Variants in MET observed in about 807,000 individuals in gnomAD.
The protein encoded by MET is MET proto-oncogene, receptor tyrosine kinase.
MET carries 48 observed loss-of-function variants against 133.1 expected under a neutral mutation model. The observed-to-expected ratio is 0.36, with a 90% CI of 0.29 to 0.46. The LOEUF (loss-of-function observed/expected upper bound fraction) is 0.46, where lower values mean the gene tolerates loss of function less well. Among genes scored for constraint, MET ranks in the 20% least tolerant of loss-of-function variants. MET has a pLI of 1.00. For synonymous variants in MET, 628 were observed against 616.5 expected, an observed-to-expected ratio of 1.02 and a Z score of -0.28; for missense variants, 1,442 against 1,695.9, an observed-to-expected ratio of 0.85 and a Z score of 2.63.
chr7:116,737,966 A>T (rs1359669586), intron 3 of MET, among the ~76,000 whole-genome samples: 1 of 152,174 alleles, frequency 6.6e-6, no homozygotes, highest in Non-Finnish European at 1.5e-5. Context: ...GGTGATTGTT[A>T]TGTAGCCGGT....
intron 3 of MET, among the ~76,000 whole-genome samples, chr7:116,739,090 G>A (rs768262313): frequency 6.6e-6 from 1 of 152,138 alleles, no homozygotes; most frequent in Non-Finnish European, 1.5e-5. Flanking sequence ...AAGAGTGAAA[G>A]TTTCTCTGAG....
At chr7:116,734,276 G>T (rs1185697520) in intron 3 of MET, among the ~76,000 whole-genome samples, 2 of 152,186 alleles carry the variant, frequency 1.3e-5, no homozygotes, top group East Asian at 3.8e-4. Context: ...ACAGAAAGAT[G>T]ATTTTACTTC....
intron 2 of MET, among the ~76,000 whole-genome samples, chr7:116,704,361 A>G (rs891250779): frequency 6.6e-6 from 1 of 152,102 alleles, no homozygotes; most frequent in Non-Finnish European, 1.5e-5. Context: ...AGCATTATTT[A>G]AACTCTGAAC....
In MET at chr7:116,699,545, T is replaced by C. The variant is rs2116589410; in HGVS notation, c.461T>C (p.Ile154Thr). ...TTTCCCCACAATCATACTGCTGACA[T>C]ACAGTCGGAGGTTCACTGCATATTC... ...HVFPHNHTAD[I>T]QSEVHCIFSP... The change falls in exon 2 of 21, where the codon ATA becomes ACA. Residue 154 changes from isoleucine (I) to threonine (T), a missense_variant. By Grantham distance (89) the Ile-to-Thr change is moderately conservative (BLOSUM62 -1). Coordinates refer to ENST00000397752, the MANE Select transcript of MET (RefSeq NM_000245.4). 1 of 1,614,004 alleles carries C rather than the reference T, an allele frequency of 6.2e-7. No homozygotes were observed. Among genetic ancestry groups the C allele is most frequent in the Non-Finnish European group, 8.5e-7 (1 of 1,179,938 alleles).
At chr7:116,754,827 GAAAA>G (rs1307690544) in intron 5 of MET, among the ~76,000 whole-genome samples, 2 of 132,040 alleles carry the variant, frequency 1.5e-5, no homozygotes, top group African/African-American at 2.8e-5. Context: ...AAAAAGAAAA[GAAAA>G]GAAAGAAGGA....
At chr7:116,711,723 A>G (rs887272521) in intron 2 of MET, among the ~76,000 whole-genome samples, 2 of 152,060 alleles carry the variant, frequency 1.3e-5, no homozygotes, top group Admixed American at 6.5e-5. Context: ...ATTTGTCTCC[A>G]AAGTGCTGTT....
chr7:116,749,363 G>A (rs1193477750), intron 5 of MET, among the ~76,000 whole-genome samples: 1 of 152,110 alleles, frequency 6.6e-6, no homozygotes, highest in Non-Finnish European at 1.5e-5. Flanking sequence ...AAAACCACAC[G>A]ATTATTGCAA....
chr7:116,776,486 A>T (rs1053339183), intron 15 of MET, among the ~76,000 whole-genome samples: 4 of 152,192 alleles, frequency 2.6e-5, no homozygotes, highest in African/African-American at 9.7e-5. Context: ...TAAAATGGCA[A>T]TTATTTCTCT....
intron 2 of MET, among the ~76,000 whole-genome samples, chr7:116,723,817 A>T (rs1448051974): frequency 6.6e-6 from 1 of 152,210 alleles, no homozygotes; most frequent in Non-Finnish European, 1.5e-5. Flanking sequence ...TCAGGGACCC[A>T]CTTGAGGAGG....
chr7:116,744,981 G>A (rs563312716), intron 5 of MET, among the ~76,000 whole-genome samples: 1 of 152,302 alleles, frequency 6.6e-6, no homozygotes, highest in South Asian at 2.1e-4. Flanking sequence ...AAAAGAGGAA[G>A]TCAAATTGTC....
intron 5 of MET, among the ~76,000 whole-genome samples, chr7:116,743,123 G>A (rs538478134): frequency 6.6e-6 from 1 of 152,346 alleles, no homozygotes; most frequent in South Asian, 2.1e-4. Flanking sequence ...CACCTGGGAA[G>A]GGCAAGGGAT....
intron 9 of MET, among the ~76,000 whole-genome samples, chr7:116,758,957 T>A (rs1218565132): frequency 6.6e-6 from 1 of 152,214 alleles, no homozygotes; most frequent in Non-Finnish European, 1.5e-5. Flanking sequence ...TGGAATTACC[T>A]TTTTTCTTCC....
chr7:116,717,842 T>C (rs1456075748), intron 2 of MET, among the ~76,000 whole-genome samples: 1 of 152,168 alleles, frequency 6.6e-6, no homozygotes, highest in Non-Finnish European at 1.5e-5. Flanking sequence ...ATAATGTTAA[T>C]TAGGGGAAAC....
intron 3 of MET, among the ~76,000 whole-genome samples, chr7:116,736,915 A>C (rs1206177202): frequency 6.6e-6 from 1 of 152,250 alleles, no homozygotes; most frequent in African/African-American, 2.4e-5. Context: ...TATCTCCATG[A>C]CAACCAAAAG....
chr7:116,707,498 GTCA>G (rs1035473466), intron 2 of MET, among the ~76,000 whole-genome samples: 1 of 152,078 alleles, frequency 6.6e-6, no homozygotes, highest in Non-Finnish European at 1.5e-5. Flanking sequence ...AGTTTGCTGA[GTCA>G]TCATCTCAAA....
In MET at chr7:116,672,308, C is replaced by A; in HGVS notation, c.-284C>A. 1 of 235,442 alleles carries A rather than the reference C, an allele frequency of 4.2e-6. No homozygotes were observed. Among genetic ancestry groups the A allele is most frequent in the South Asian group, 1.7e-4 (1 of 5,746 alleles). 14.6% of individuals were successfully genotyped at this position (235,442 alleles called of 1,614,324 possible). On this transcript the variant is annotated 5_prime_UTR_variant, in exon 1 of 21. Coordinates refer to ENST00000397752, the MANE Select transcript of MET (RefSeq NM_000245.4). ...CGCGCGCGCCGATGCCCGGCTGAGT[C>A]ACTGGCAGGGCAGCGCGCGTGTGGG...
intron 5 of MET, among the ~76,000 whole-genome samples, chr7:116,747,040 A>G (rs1793720645): frequency 6.6e-6 from 1 of 152,216 alleles, no homozygotes; most frequent in Admixed American, 6.5e-5. Context: ...CAGCCAAACT[A>G]AGCTTCATAA....
At chr7:116,741,243 C>A (rs1654994152) in intron 5 of MET, 2 of 564,650 alleles carry the variant, frequency 3.5e-6, no homozygotes, top group Admixed American at 3.0e-5. Context: ...TTTGGGCATC[C>A]CCCCAAGTCC....
chr7:116,782,298 C>A (rs1187530086), intron 18 of MET, among the ~76,000 whole-genome samples: 1 of 152,226 alleles, frequency 6.6e-6, no homozygotes, highest in Non-Finnish European at 1.5e-5. Flanking sequence ...TAAAAGGATT[C>A]TCCATAGGGG....
Sources: allele counts gnomAD v4.1 joint callset (sites outside exome capture counted in the v4.1 genomes callset), GRCh38; gene constraint gnomAD v4.1.1; transcripts MANE v1.5; gene names NCBI Gene and HGNC (gene_info 2026-07-23, HGNC 2026-07-21).